The following ARHGAP29 variants were observed in gnomAD, a reference collection of about 807,000 sequenced individuals.
ARHGAP29 encodes rho GTPase-activating protein 29.
Under a neutral mutation model 122.6 loss-of-function variants are expected in ARHGAP29, and 43 were observed. That is an observed-to-expected ratio of 0.35 (90% CI 0.27 to 0.45). ARHGAP29 has a LOEUF of 0.45. Ranked by LOEUF, ARHGAP29 falls within the 20% of genes least tolerant of loss-of-function variation. The probability of loss-of-function intolerance (pLI) is 1.00; values close to 1 mark genes in which losing one functional copy is unlikely to be tolerated. For missense variants in ARHGAP29, 1,303 were observed against 1,477.2 expected (o/e 0.88, Z 1.93); for synonymous variants, 506 against 497.1 (o/e 1.02, Z -0.24).
chr1:94,258,022 A>C (rs1654425962), intron 1 of ARHGAP29, among the ~76,000 whole-genome samples: 1 of 152,162 alleles, frequency 6.6e-6, no homozygotes, highest in Non-Finnish European at 1.5e-5. Flanking sequence ...TGGAGGACCA[A>C]GTATTAGGTA....
intron 1 of ARHGAP29, among the ~76,000 whole-genome samples, chr1:94,269,006 G>T (rs1048187448): frequency 1.3e-5 from 2 of 151,994 alleles, no homozygotes. Flanking sequence ...TTTTTTAATG[G>T]TGCAATAACT....
chr1:94,247,358 G>A (rs1653849047), intron 1 of ARHGAP29, among the ~76,000 whole-genome samples: 1 of 151,988 alleles, frequency 6.6e-6, no homozygotes, highest in South Asian at 2.1e-4. Flanking sequence ...GCCCGCCGGC[G>A]TCACACAACT....
At chr1:94,250,610 CCATGATGGGTG>C (rs1654044995) in intron 1 of ARHGAP29, 1 of 152,124 alleles carries the variant, frequency 6.6e-6, no homozygotes, top group African/African-American at 2.4e-5. Context: ...AATCTTGATT[CCATGATGGGTG>C]TAATTGAGAA....
At chr1:94,192,914 A>T (rs1650209473) in intron 12 of ARHGAP29, 1 of 152,228 alleles carries the variant, frequency 6.6e-6, no homozygotes, top group Non-Finnish European at 1.5e-5. Flanking sequence ...ATTACTTGTC[A>T]TACAAAGAAC....
chr1:94,277,167 T>G (rs1443949202), upstream of ARHGAP29, among the ~76,000 whole-genome samples: 2 of 152,230 alleles, frequency 1.3e-5, no homozygotes, highest in Non-Finnish European at 2.9e-5. Flanking sequence ...GAATGTATTT[T>G]TATTCTAACA....
At chr1:94,184,614 C>T (rs184984440) in intron 18 of ARHGAP29, among the ~76,000 whole-genome samples, 11 of 151,458 alleles carry the variant, frequency 7.3e-5, no homozygotes, top group Non-Finnish European at 1.6e-4. Context: ...ATTAGCCAGG[C>T]GTGGTAGCGC....
At chr1:94,207,001 T>TTTTA (rs542199991) in intron 5 of ARHGAP29, among the ~76,000 whole-genome samples, 5,763 of 150,108 alleles carry the variant, frequency 0.038, 265 homozygotes, top group African/African-American at 0.11. Context: ...AAGGAGCAAC[T>TTTTA]TTTATTTATT....
chr1:94,247,725 AGCGG>A, intron 1 of ARHGAP29: 1 of 731,526 alleles, frequency 1.4e-6, no homozygotes, highest in African/African-American at 2.2e-5. Flanking sequence ...CCACCACCAC[AGCGG>A]CCGCCGCCTT....
intron 1 of ARHGAP29, among the ~76,000 whole-genome samples, chr1:94,260,266 G>A (rs985879170): frequency 5.3e-5 from 8 of 152,146 alleles, no homozygotes; most frequent in African/African-American, 7.2e-5. Context: ...TTGAGACTAC[G>A]ATTCTGACAA....
At chr1:94,247,883 C>A (rs1334484010) in intron 1 of ARHGAP29, 1 of 167,088 alleles carries the variant, frequency 6.0e-6, no homozygotes, top group Non-Finnish European at 1.2e-5. Flanking sequence ...ACGCGGCGGT[C>A]AGCTGCGCCC....
At chr1:94,310,094 G>T in the ARHGAP29 span, among the ~76,000 whole-genome samples, 4 of 152,180 alleles carry the variant, frequency 2.6e-5, no homozygotes, top group African/African-American at 9.7e-5. Context: ...ATGACCCACA[G>T]ATAAATCAGT....
chr1:94,273,508 C>T (rs1655072300), intron 1 of ARHGAP29, among the ~76,000 whole-genome samples: 1 of 152,212 alleles, frequency 6.6e-6, no homozygotes, highest in African/African-American at 2.4e-5. Flanking sequence ...TCCCACACTA[C>T]TCCACCCTCT....
chr1:94,290,860 G>C, the ARHGAP29 span, among the ~76,000 whole-genome samples: 1 of 152,196 alleles, frequency 6.6e-6, no homozygotes, highest in South Asian at 2.1e-4. Flanking sequence ...GTCAATTTTA[G>C]AATAAGTGTG....
At chr1:94,299,768 G>A in the ARHGAP29 span, among the ~76,000 whole-genome samples, 2 of 152,218 alleles carry the variant, frequency 1.3e-5, no homozygotes, top group Admixed American at 6.5e-5. Flanking sequence ...AGGAAGGGGA[G>A]GGGGTAAAGG....
At chr1:94,299,793 C>T in the ARHGAP29 span, among the ~76,000 whole-genome samples, 1,335 of 151,856 alleles carry the variant, frequency 8.8e-3, 14 homozygotes, top group Non-Finnish European at 0.012. Context: ...GGGAAGGGGG[C>T]GGCTGTCTTC....
intron 3 of ARHGAP29, among the ~76,000 whole-genome samples, chr1:94,216,397 A>C (rs1236877195): frequency 6.6e-6 from 1 of 152,222 alleles, no homozygotes; most frequent in Non-Finnish European, 1.5e-5. Flanking sequence ...CTGTGCAAAA[A>C]GGAGGTTAAA....
At chr1:94,200,683 T>A (rs1291846266) in intron 12 of ARHGAP29, among the ~76,000 whole-genome samples, 1 of 152,218 alleles carries the variant, frequency 6.6e-6, no homozygotes, top group Non-Finnish European at 1.5e-5. Context: ...AGTACAGTCA[T>A]ACAATGGAAT....
chr1:94,178,167 C>A lies in ARHGAP29; in HGVS notation c.2481G>T (p.Arg827=), dbSNP rs764695597. 1.2e-6 allele frequency: 2 copies of A among 1,609,622 alleles called. No homozygotes were observed. The highest frequency in any genetic ancestry group is 2.2e-5 in the East Asian group (1 of 44,832). Reference sequence around the variant, plus strand: ...TGTTTTCTTCTGCATGATCTACTACCCTGCAAAGTAGAACACATAAAGTTG... The same window carrying A: ...TGTTTTCTTCTGCATGATCTACTACACTGCAAAGTAGAACACATAAAGTTG... ...SLHFLIVHLK[R]VVDHAEENKM... Residue 827 remains arginine, a splice_region_variant and synonymous_variant, in exon 21 of 23, where the codon CGG becomes CGT. Transcript: ENST00000260526.
chr1:94,170,440 G>A lies in ARHGAP29; in HGVS notation c.*3429C>T, dbSNP rs1435957319. 6.6e-6 allele frequency among the ~76,000 whole-genome samples: 1 copy of A among 152,186 alleles called. No individual in the cohort carries two copies. The highest frequency in any genetic ancestry group is 1.5e-5 in the Non-Finnish European group (1 of 68,032). Reference sequence around the variant, plus strand: ...TCTGAAAAGATGTTCTGGACTGAATGAAACAAGAGATAGGGCAACTAAATG... The same window carrying A: ...TCTGAAAAGATGTTCTGGACTGAATAAAACAAGAGATAGGGCAACTAAATG... On this transcript the variant is annotated 3_prime_UTR_variant, in exon 23 of 23. Transcript: ENST00000260526.
Sources: gnomAD v4.1 joint callset for allele counts (sites outside exome capture counted in the v4.1 genomes callset) on GRCh38, gnomAD v4.1.1 for gene constraint, MANE v1.5 for transcripts, NCBI Gene and HGNC (gene_info 2026-07-23, HGNC 2026-07-21) for gene names.